Variants in AADACL2 observed in about 807,000 individuals in gnomAD.
AADACL2 encodes arylacetamide deacetylase-like 2.
A neutral mutation model predicts 22.3 loss-of-function variants in AADACL2; 23 were observed. The ratio of observed to expected loss-of-function variants is 1.03; its 90% CI spans 0.74 to 1.46. AADACL2 has a LOEUF of 1.46. Ranked by LOEUF, AADACL2 falls within the 40% of genes most tolerant of loss-of-function variation. The pLI is 0.00. For synonymous variants in AADACL2, 177 were observed against 166.2 expected, an observed-to-expected ratio of 1.07 and a Z score of -0.50; for missense variants, 472 against 482.9, an observed-to-expected ratio of 0.98 and a Z score of 0.21.
At position 151,744,151 on chromosome 3, in the gene AADACL2, T is replaced by A; in HGVS notation, c.420T>A (p.Val140=). Residue 140 remains valine, a synonymous_variant, in exon 3 of 5, where the codon GTT becomes GTA. Transcript: ENST00000356517. ...CGGCAAACACGCTTGATGCTGTTGT[T>A]GTAGGCGTGGAGTAAGAATGATTTT... The part of the protein sequence containing the change: ...RWTANTLDAV[V]VGVDYRLAPQ... 1 of 1,613,758 alleles carries A rather than the reference T, an allele frequency of 6.2e-7. No individual in the cohort carries two copies. Among genetic ancestry groups the A allele is most frequent in the Non-Finnish European group, 8.5e-7 (1 of 1,179,754 alleles).
chr3:151,734,124 G>C lies in AADACL2; in HGVS notation c.89G>C (p.Ser30Thr), dbSNP rs779174108. ...YTPMPDNIEE[S>T]WKIMALDAIA... ...CCCATGCCAGACAACATTGAAGAAA[G>C]CTGGAAAATAATGGCCTTGGATGCC... The change falls in exon 1 of 5, where the codon AGC becomes ACC. Residue 30 changes from serine to threonine, a missense_variant. Coordinates refer to ENST00000356517, the MANE Select transcript of AADACL2 (RefSeq NM_207365.4). 3.7e-6 allele frequency: 6 copies of C among 1,613,544 alleles called. No homozygotes were observed. In the Admixed American group the frequency reaches 1.0e-4, roughly 27 times the overall value.
chr3:151,757,253 G>C lies in AADACL2; in HGVS notation c.865G>C (p.Glu289Gln). Residue 289 changes from glutamate (E) to glutamine (Q), a missense_variant, in exon 5 of 5, where the codon GAG becomes CAG. By Grantham distance (29) the Glu-to-Gln change is conservative. This residue lies in a region of AADACL2 where 356 missense variants were observed against 365.5 expected (regional missense o/e 0.97). Coordinates refer to ENST00000356517, the MANE Select transcript of AADACL2 (RefSeq NM_207365.4). The part of the protein sequence containing the change: ...KFVNWSILLP[E>Q]KYRKDYVYTE... ...TGTTAACTGGAGTATTCTTCTTCCT[G>C]AGAAGTATAGAAAAGACTATGTATA... The C allele has an allele frequency of 6.2e-7, 1 of 1,613,696 alleles. No individual in the cohort carries two copies. Among genetic ancestry groups the C allele is most frequent in the Non-Finnish European group, 8.5e-7 (1 of 1,179,686 alleles).
chr3:151,756,129 TAGC>T (rs1352031116), intron 4 of AADACL2, among the ~76,000 whole-genome samples: 2 of 152,090 alleles, frequency 1.3e-5, no homozygotes, highest in Non-Finnish European at 1.5e-5. Flanking sequence ...TTTTCACTTG[TAGC>T]AGCAGCAGGT....
In AADACL2 at chr3:151,745,442, C is replaced by A; in HGVS notation, c.432-67C>A. 4 of 1,483,578 alleles carry A rather than the reference C, an allele frequency of 2.7e-6. No individual in the cohort carries two copies. In the South Asian group the frequency reaches 3.9e-5, roughly 14 times the overall value. 91.9% of individuals were successfully genotyped at this position (1,483,578 alleles called of 1,614,324 possible). ...AATAAAGACTGGCATTAAATTGCATCTATTTGGTATTTGAGAATTAGATGG... is the reference window on the plus strand; with the variant it reads ...AATAAAGACTGGCATTAAATTGCATATATTTGGTATTTGAGAATTAGATGG... On this transcript the variant is annotated intron_variant, in intron 3 of 4. Transcript: ENST00000356517.
At chr3:151,744,211 A>G (rs1485787690) in intron 3 of AADACL2, 49 bp downstream of exon 3, 2 of 1,578,012 alleles carry the variant, frequency 1.3e-6, no homozygotes, top group Non-Finnish European at 1.7e-6. Flanking sequence ...TTTACCATGT[A>G]GAGGTTTGAT....
At chr3:151,735,356 A>G (rs1396044716) in intron 1 of AADACL2, among the ~76,000 whole-genome samples, 1 of 152,258 alleles carries the variant, frequency 6.6e-6, no homozygotes, top group Non-Finnish European at 1.5e-5. Context: ...AATTTTCTCA[A>G]TGTCTATCAG....
At position 151,757,344 on chromosome 3, in the gene AADACL2, C is replaced by T; in HGVS notation, c.956C>T (p.Pro319Leu). The change falls in exon 5 of 5, where the codon CCC (proline) becomes CTC (leucine). Residue 319 changes from proline (P) to leucine (L), a missense_variant. Coordinates refer to ENST00000356517, the MANE Select transcript of AADACL2 (RefSeq NM_207365.4). ...LPGLTDSRALPLLANDSQLQN... is the reference protein window; with the variant it reads ...LPGLTDSRALLLLANDSQLQN... ...GGACTTACAGACAGCAGAGCATTACCCTTGTTGGCCAATGATTCTCAGTTA... is the reference window on the plus strand; with the variant it reads ...GGACTTACAGACAGCAGAGCATTACTCTTGTTGGCCAATGATTCTCAGTTA... The T allele has an allele frequency of 6.2e-7, 1 of 1,613,716 alleles. No homozygotes were observed. The highest frequency in any genetic ancestry group is 8.5e-7 in the Non-Finnish European group (1 of 1,179,714).
chr3:151,753,198 C>T (rs930916333), intron 4 of AADACL2, among the ~76,000 whole-genome samples: 2 of 152,138 alleles, frequency 1.3e-5, no homozygotes, highest in Non-Finnish European at 2.9e-5. Flanking sequence ...ATAGAGGTCA[C>T]CTGAAGTCCA....
At chr3:151,740,267 C>T (rs1309811085) in intron 1 of AADACL2, among the ~76,000 whole-genome samples, 1 of 152,214 alleles carries the variant, frequency 6.6e-6, no homozygotes, top group Non-Finnish European at 1.5e-5. Flanking sequence ...GCTCCTTGCA[C>T]TTCCTGGGTG....
At chr3:151,736,227 G>A (rs1293884310) in intron 1 of AADACL2, among the ~76,000 whole-genome samples, 1 of 151,570 alleles carries the variant, frequency 6.6e-6, no homozygotes, top group East Asian at 1.9e-4. Flanking sequence ...TAAATTAGTG[G>A]GTTTTGAATA....
At position 151,757,622 on chromosome 3, in the gene AADACL2, C is replaced by T; in HGVS notation, c.*28C>T. On this transcript the variant is annotated 3_prime_UTR_variant, in exon 5 of 5. Coordinates refer to ENST00000356517, the MANE Select transcript of AADACL2 (RefSeq NM_207365.4). ...ATGTGATGTGTATGTATAGCCCTTA[C>T]ATAGTGGATTGTAATTTGTGATATT... 6.4e-7 allele frequency: 1 copy of T among 1,552,344 alleles called. No individual in the cohort carries two copies. The highest frequency in any genetic ancestry group is 8.7e-7 in the Non-Finnish European group (1 of 1,149,818).
rs1317779990 is a variant in AADACL2, at chr3:151,757,030, G to C, written c.642G>C (p.Met214Ile). The change falls in exon 5 of 5, where the codon ATG (methionine) becomes ATC (isoleucine). Residue 214 changes from methionine to isoleucine, a missense_variant. Coordinates refer to ENST00000356517, the MANE Select transcript of AADACL2 (RefSeq NM_207365.4). ...NDAEIKHKIK[M>I]QVLLYPGLQI... ...CTGAAATAAAACATAAAATCAAGATGCAAGTCTTACTTTACCCTGGCTTAC... is the reference window on the plus strand; with the variant it reads ...CTGAAATAAAACATAAAATCAAGATCCAAGTCTTACTTTACCCTGGCTTAC... 1 of 1,609,534 alleles carries C rather than the reference G, an allele frequency of 6.2e-7. No individual in the cohort carries two copies. Among genetic ancestry groups the C allele is most frequent in the Admixed American group, 1.7e-5 (1 of 59,610 alleles).
intron 1 of AADACL2, among the ~76,000 whole-genome samples, chr3:151,735,652 GGAGGCT>G (rs1713063430): frequency 6.6e-6 from 1 of 152,330 alleles, no homozygotes; most frequent in African/African-American, 2.4e-5. Flanking sequence ...CAGCTACTGG[GGAGGCT>G]GAGGCAGGAG....
intron 1 of AADACL2, among the ~76,000 whole-genome samples, chr3:151,737,344 A>C (rs774826648): frequency 6.0e-5 from 9 of 149,362 alleles, no homozygotes; most frequent in Admixed American, 1.3e-4. Flanking sequence ...TTTAATTTTC[A>C]TTCTTTTGTA....
Position 151,757,439 on chromosome 3 carries a change from G to A in AADACL2, c.1051G>A (p.Val351Ile), listed in dbSNP as rs771243420. Residue 351 changes from valine to isoleucine, a missense_variant, in exon 5 of 5, where the codon GTT becomes ATT. Physicochemically the swap from Val to Ile is conservative, Grantham distance 29. Transcript: ENST00000356517. ...DLLRDDGLMY[V>I]TRLRNVGVQV... ...CTTAAGAGATGATGGACTTATGTAT[G>A]TTACAAGACTTCGAAATGTTGGAGT... The A allele has an allele frequency of 2.8e-5, 45 of 1,613,494 alleles. No homozygotes were observed. In the East Asian group the frequency reaches 1.0e-3, roughly 36 times the overall value.
At chr3:151,742,930 C>G (rs1412685945) in intron 2 of AADACL2, among the ~76,000 whole-genome samples, 1 of 152,094 alleles carries the variant, frequency 6.6e-6, no homozygotes, top group East Asian at 1.9e-4. Context: ...ATTTAAGCCA[C>G]AGACCCTCTT....
chr3:151,753,014 G>A (rs1033717007), intron 4 of AADACL2, among the ~76,000 whole-genome samples: 6 of 152,064 alleles, frequency 3.9e-5, no homozygotes, highest in African/African-American at 1.2e-4. Context: ...TTTAAAAACA[G>A]TTTAATAGCA....
chr3:151,741,817 G>GA (rs1256219365), intron 2 of AADACL2, among the ~76,000 whole-genome samples: 24 of 152,192 alleles, frequency 1.6e-4, no homozygotes, highest in African/African-American at 5.8e-4. Flanking sequence ...CACTTTGATT[G>GA]AAAAATACTA....
intron 4 of AADACL2, among the ~76,000 whole-genome samples, chr3:151,756,718 T>C (rs1713922266): frequency 7.2e-6 from 1 of 138,394 alleles, no homozygotes; most frequent in South Asian, 2.3e-4. Flanking sequence ...TCTCTCGCCT[T>C]GTACATTCTC....
Sources: allele counts gnomAD v4.1 joint callset (sites outside exome capture counted in the v4.1 genomes callset), GRCh38; gene constraint gnomAD v4.1.1; regional missense constraint gnomAD v4.1.1; transcripts MANE v1.5; gene names NCBI Gene and HGNC (gene_info 2026-07-23, HGNC 2026-07-21).